The following SPG7 variants were observed in gnomAD, a reference collection of about 807,000 sequenced individuals.
The protein encoded by SPG7 is SPG7 matrix AAA peptidase subunit, paraplegin, also known as mitochondrial inner membrane m-AAA protease component paraplegin.
SPG7 carries 103 observed loss-of-function variants against 81.9 expected under a neutral mutation model. The observed-to-expected ratio is 1.26, with a 90% CI of 1.07 to 1.48. SPG7 has a LOEUF of 1.48. Among genes scored for constraint, SPG7 ranks in the 40% most tolerant of loss-of-function variants. The probability of loss-of-function intolerance (pLI) is 0.00; values close to 1 mark genes in which losing one functional copy is unlikely to be tolerated. For synonymous variants in SPG7, 534 were observed against 444.2 expected, an observed-to-expected ratio of 1.20 and a Z score of -2.54; for missense variants, 1,241 against 1,087.3, an observed-to-expected ratio of 1.14 and a Z score of -1.99.
At chr16:89,548,146 C>G in intron 12 of SPG7, 33 bp downstream of exon 12, 1 of 1,446,888 alleles carries the variant, frequency 6.9e-7, no homozygotes, top group Non-Finnish European at 9.6e-7. Flanking sequence ...GAAGGCCCTC[C>G]TTAGCAGGGC....
At chr16:89,545,508 G>A (rs2058551696) in intron 10 of SPG7, 2 of 189,394 alleles carry the variant, frequency 1.1e-5, no homozygotes, top group Admixed American at 1.1e-4. Flanking sequence ...CTTCCCGCTG[G>A]GACACGGCTT....
chr16:89,546,430 C>A, intron 10 of SPG7: 1 of 508,662 alleles, frequency 2.0e-6, no homozygotes, highest in Non-Finnish European at 3.7e-6. Flanking sequence ...GTAACCCCAG[C>A]ACTTTGGGAG....
At position 89,553,969 on chromosome 16, in the gene SPG7, G is replaced by A; in HGVS notation, c.2103+9G>A. 6.2e-7 allele frequency: 1 copy of A among 1,609,884 alleles called. No individual in the cohort carries two copies. The highest frequency in any genetic ancestry group is 8.5e-7 in the Non-Finnish European group (1 of 1,179,920). On this transcript the variant is annotated intron_variant, in intron 15 of 16. Coordinates refer to ENST00000645818, the MANE Select transcript of SPG7 (RefSeq NM_003119.4). ...AGCAGATGATGGACCATGTGAGTCGGCTCTGGCCACACCGCTGCCCTCTGT... is the reference window on the plus strand; with the variant it reads ...AGCAGATGATGGACCATGTGAGTCGACTCTGGCCACACCGCTGCCCTCTGT...
At chr16:89,530,903 G>A in intron 7 of SPG7, 95 bp downstream of exon 7, 2 of 1,561,928 alleles carry the variant, frequency 1.3e-6, no homozygotes, top group Non-Finnish European at 1.8e-6. Context: ...TTCCATCGAT[G>A]ACGTGTCGTG....
chr16:89,546,499 G>A (rs969339467), intron 10 of SPG7, 159 bp from the exon 11 acceptor site: 10 of 683,780 alleles, frequency 1.5e-5, no homozygotes, highest in South Asian at 3.0e-5. Context: ...CCAACTTTGC[G>A]AAACCCCGTC....
In SPG7 at chr16:89,544,673, C is replaced by T. The variant is rs145124867; in HGVS notation, c.1350C>T (p.Ile450=). The stretch of plus-strand genomic sequence containing the variant: ...GAATGGGTACCACAGACCATGTCAT[C>T]GTCCTGGCGTCCACGAACCGAGCTG... The part of the protein sequence containing the change: ...MDGMGTTDHV[I]VLASTNRADI... Residue 450 remains isoleucine, a synonymous_variant, in exon 10 of 17, where the codon ATC becomes ATT. Coordinates refer to ENST00000645818, the MANE Select transcript of SPG7 (RefSeq NM_003119.4). The T allele has an allele frequency of 1.1e-4, 184 of 1,613,994 alleles. No homozygotes were observed. Among genetic ancestry groups the T allele is most frequent in the Admixed American group, 1.5e-4 (9 of 60,008 alleles).
At chr16:89,552,727 C>A in intron 13 of SPG7, 1 of 523,674 alleles carries the variant, frequency 1.9e-6, no homozygotes, top group Non-Finnish European at 3.5e-6. Context: ...GTCTTCTTGA[C>A]TCCCTGCCTG....
At chr16:89,524,274 AGT>A (rs1232139831) in intron 4 of SPG7, 27 bp downstream of exon 4, 1 of 1,596,058 alleles carries the variant, frequency 6.3e-7, no homozygotes, top group Non-Finnish European at 8.5e-7. Context: ...GAGGCCTGTG[AGT>A]GAGGGTGTGG....
chr16:89,531,396 CAG>C (rs1196759909), intron 7 of SPG7: 4 of 180,942 alleles, frequency 2.2e-5, no homozygotes, highest in African/African-American at 4.8e-5. Flanking sequence ...TTTTTCGAGA[CAG>C]AGTCTCACTT....
chr16:89,529,965 G>T, intron 6 of SPG7: 1 of 320,198 alleles, frequency 3.1e-6, no homozygotes, highest in South Asian at 2.7e-5. Context: ...TCAGCTTCCC[G>T]AGTAGCTGGG....
At chr16:89,519,128 C>A (rs1220898244) in intron 3 of SPG7, 2 of 151,470 alleles carry the variant, frequency 1.3e-5, no homozygotes, top group Non-Finnish European at 2.9e-5. Flanking sequence ...GGATTACAGG[C>A]GCGTGCCACC....
chr16:89,551,215 G>A (rs909327012), intron 13 of SPG7: 1 of 179,318 alleles, frequency 5.6e-6, no homozygotes, highest in Non-Finnish European at 1.2e-5. Context: ...TACTCGGAAC[G>A]CAGGTGCCGT....
chr16:89,542,687 G>A (rs1208782816), intron 9 of SPG7, among the ~76,000 whole-genome samples: 1 of 152,150 alleles, frequency 6.6e-6, no homozygotes, highest in Middle Eastern at 3.2e-3. Flanking sequence ...TGGCCCTGGA[G>A]AAGCTGGTCA....
At chr16:89,546,370 C>G (rs889419709) in intron 10 of SPG7, 1 of 394,516 alleles carries the variant, frequency 2.5e-6, no homozygotes, top group East Asian at 6.0e-5. Context: ...CAACAGTGTT[C>G]TGTTCGTGTT....
Position 89,553,776 on chromosome 16 carries a change from C to G in SPG7, c.1937-18C>G. 1 of 1,613,146 alleles carries G rather than the reference C, an allele frequency of 6.2e-7. No individual in the cohort carries two copies. The highest frequency in any genetic ancestry group is 1.3e-5 in the African/African-American group (1 of 75,042). ...CCTGCAGTGCTGAGGATGCCTCTGT[C>G]TCGACCCCGCCCTCCAGGGGCACAG... On this transcript the variant is annotated intron_variant, in intron 14 of 16. Coordinates refer to ENST00000645818, the MANE Select transcript of SPG7 (RefSeq NM_003119.4).
At chr16:89,538,749 T>A (rs1009020167) in intron 9 of SPG7, 39 of 152,374 alleles carry the variant, frequency 2.6e-4, no homozygotes, top group African/African-American at 9.4e-4. Context: ...TCCACATGCG[T>A]CTCCAACAGG....
intron 9 of SPG7, chr16:89,533,794 T>C (rs1319496744): frequency 1.3e-5 from 2 of 152,168 alleles, no homozygotes; most frequent in Non-Finnish European, 2.9e-5. Context: ...TCTTCTGAGC[T>C]AGTTTTGCAA....
At chr16:89,524,442 CTTTGTT>C (rs924258232) in intron 4 of SPG7, among the ~76,000 whole-genome samples, 195 bp downstream of exon 4, 3 of 152,110 alleles carry the variant, frequency 2.0e-5, no homozygotes, top group South Asian at 2.1e-4. Context: ...ATTTGGTTGC[CTTTGTT>C]TTTGTTTTTG....
intron 10 of SPG7, 90 bp downstream of exon 10, chr16:89,544,862 G>A: frequency 1.3e-6 from 2 of 1,514,974 alleles, no homozygotes; most frequent in Non-Finnish European, 1.8e-6. Flanking sequence ...GACACTTCTT[G>A]GTGTGAAGCC....
Sources: gnomAD v4.1 joint callset for allele counts (sites outside exome capture counted in the v4.1 genomes callset) on GRCh38, gnomAD v4.1.1 for gene constraint, MANE v1.5 for transcripts, NCBI Gene and HGNC (gene_info 2026-07-23, HGNC 2026-07-21) for gene names.